Variants in UTRN observed in about 807,000 individuals in gnomAD.
UTRN encodes the protein utrophin.
A neutral mutation model predicts 463.9 loss-of-function variants in UTRN; 283 were observed. The observed-to-expected ratio is 0.61, with a 90% CI of 0.55 to 0.67. The LOEUF is 0.67. Ranked by LOEUF, UTRN falls within the 30% of genes least tolerant of loss-of-function variation. UTRN has a pLI of 0.00. For synonymous variants in UTRN, 1,442 were observed against 1,431.5 expected (o/e 1.01, Z -0.17); for missense variants, 3,922 against 4,084.3 (o/e 0.96, Z 1.08).
rs1028062133 is a variant in UTRN, at chr6:144,583,477, C to G, written c.7479+6189C>G. ...TTATAATGCAAATTCTGAGGTGTCT[C>G]CAGAAGTGTGGTAAACTTAAAATGA... On this transcript the variant is annotated intron_variant, in intron 51 of 74. Coordinates refer to ENST00000367545, the MANE Select transcript of UTRN (RefSeq NM_007124.3). The G allele has an allele frequency of 5.1e-5, 36 of 712,172 alleles. No homozygotes were observed. The African/African-American group carries it at 5.6e-4, about 11-fold the overall frequency. The allele number at this position is 712,172 out of a possible 1,614,324, so 44.1% of individuals were successfully genotyped here. A position where few individuals can be genotyped will look rare whatever the true frequency, so the allele number is the denominator to read the frequency against.
intron 23 of UTRN, among the ~76,000 whole-genome samples, chr6:144,469,686 CTCTG>C (rs1334077521): frequency 3.3e-4 from 46 of 140,972 alleles, no homozygotes; most frequent in Admixed American, 8.5e-4. Flanking sequence ...TACATGGCTT[CTCTG>C]TCTGTTTCTT....
intron 54 of UTRN, among the ~76,000 whole-genome samples, chr6:144,737,978 C>A (rs1385418759): frequency 6.6e-6 from 1 of 152,032 alleles, no homozygotes; most frequent in Non-Finnish European, 1.5e-5. Flanking sequence ...GCCGATCATA[C>A]AGTATGATTT....
chr6:144,492,045 C>T (rs1327621175), intron 32 of UTRN, among the ~76,000 whole-genome samples: 1 of 152,038 alleles, frequency 6.6e-6, no homozygotes, highest in Non-Finnish European at 1.5e-5. Context: ...CTTTTAGGTT[C>T]AGGAAGTACA....
chr6:144,541,128 A>G (rs1051912791), intron 45 of UTRN, among the ~76,000 whole-genome samples: 7 of 152,222 alleles, frequency 4.6e-5, no homozygotes, highest in Admixed American at 1.3e-4. Flanking sequence ...GTTAAAACAT[A>G]ATTCAGATCA....
At chr6:144,662,958 G>GAAT (rs1780015624) in intron 51 of UTRN, among the ~76,000 whole-genome samples, 1 of 152,188 alleles carries the variant, frequency 6.6e-6, no homozygotes, top group Admixed American at 6.5e-5. Flanking sequence ...TTTGGCATGT[G>GAAT]GTTGAGCACC....
intron 51 of UTRN, among the ~76,000 whole-genome samples, chr6:144,676,388 C>A (rs1031551608): frequency 1.3e-5 from 2 of 152,090 alleles, no homozygotes; most frequent in Admixed American, 6.6e-5. Flanking sequence ...CAGATAACTT[C>A]ACTTAAATAT....
chr6:144,305,992 A>T (rs1327937088), intron 2 of UTRN, among the ~76,000 whole-genome samples: 3 of 152,216 alleles, frequency 2.0e-5, no homozygotes, highest in African/African-American at 7.2e-5. Context: ...CATATTAAAT[A>T]AAAAAAGCTT....
chr6:144,454,833 T>C (rs1245406009), intron 19 of UTRN, among the ~76,000 whole-genome samples: 2 of 152,168 alleles, frequency 1.3e-5, no homozygotes, highest in African/African-American at 4.8e-5. Context: ...TTTACTTACA[T>C]TGAAATACAT....
At chr6:144,488,102 A>G (rs1411845005) in intron 29 of UTRN, among the ~76,000 whole-genome samples, 4 of 152,218 alleles carry the variant, frequency 2.6e-5, no homozygotes, top group Non-Finnish European at 5.9e-5. Context: ...CACAAATTAG[A>G]GAAAGAACAT....
intron 51 of UTRN, chr6:144,660,228 A>G: frequency 2.1e-6 from 1 of 471,220 alleles, no homozygotes; most frequent in South Asian, 1.5e-5. Flanking sequence ...CTGGACAATG[A>G]TTGGTCTGAA....
intron 54 of UTRN, among the ~76,000 whole-genome samples, chr6:144,740,548 A>G (rs1476553362): frequency 6.6e-6 from 1 of 152,256 alleles, no homozygotes; most frequent in Admixed American, 6.5e-5. Context: ...TTAGATTAGT[A>G]AAGTTGTAAT....
intron 2 of UTRN, among the ~76,000 whole-genome samples, chr6:144,388,484 A>G (rs1274035835): frequency 1.6e-5 from 2 of 123,962 alleles, no homozygotes; most frequent in Non-Finnish European, 3.2e-5. Flanking sequence ...GGCTAATATT[A>G]TTTATTTATT....
intron 52 of UTRN, among the ~76,000 whole-genome samples, chr6:144,692,373 T>C (rs922126889): frequency 6.6e-6 from 1 of 152,244 alleles, no homozygotes; most frequent in Non-Finnish European, 1.5e-5. Flanking sequence ...TGTGTCTTTA[T>C]AATAGAATGA....
intron 2 of UTRN, among the ~76,000 whole-genome samples, chr6:144,375,542 A>G (rs904985945): frequency 1.3e-5 from 2 of 152,164 alleles, no homozygotes; most frequent in African/African-American, 2.4e-5. Flanking sequence ...GTTGGGTGTC[A>G]TGGTGACTTT....
At chr6:144,577,413 C>T (rs1801545079) in intron 51 of UTRN, 125 bp downstream of exon 51, 1 of 983,506 alleles carries the variant, frequency 1.0e-6, no homozygotes, top group Non-Finnish European at 1.5e-6. Context: ...AATCCGTGCT[C>T]TCCTGTGAAT....
chr6:144,655,035 A>G (rs1263931187), intron 51 of UTRN, among the ~76,000 whole-genome samples: 1 of 152,094 alleles, frequency 6.6e-6, no homozygotes, highest in Non-Finnish European at 1.5e-5. Flanking sequence ...TATGAATCCT[A>G]ATTTTTATTT....
chr6:144,490,330 G>A, intron 31 of UTRN, 131 bp downstream of exon 31: 3 of 1,316,044 alleles, frequency 2.3e-6, no homozygotes, highest in Non-Finnish European at 3.1e-6. Context: ...GAGTGATGAT[G>A]TGTTGAAGGT....
In UTRN at chr6:144,840,873, C is replaced by G. The variant is rs999650934; in HGVS notation, c.10270+41C>G. On this transcript the variant is annotated intron_variant, in intron 73 of 74. Coordinates refer to ENST00000367545, the MANE Select transcript of UTRN (RefSeq NM_007124.3). ...TGCAGCACCACAGCTGCACGTGTTC[C>G]TTCCCTTTCTCTTTTTCTGCATGCG... 12 of 1,606,338 alleles carry G rather than the reference C, an allele frequency of 7.5e-6. No homozygotes were observed. In the African/African-American group the frequency reaches 1.2e-4, roughly 16 times the overall value.
intron 18 of UTRN, among the ~76,000 whole-genome samples, chr6:144,452,945 G>GA (rs1175934612): frequency 0.048 from 3,324 of 69,754 alleles, 115 homozygotes; most frequent in African/African-American, 0.14. Flanking sequence ...CTGCCTCAAA[G>GA]AAAAAAAAAA....
Sources: gnomAD v4.1 joint callset for allele counts (sites outside exome capture counted in the v4.1 genomes callset) on GRCh38, gnomAD v4.1.1 for gene constraint, MANE v1.5 for transcripts, NCBI Gene and HGNC (gene_info 2026-07-23, HGNC 2026-07-21) for gene names.